The following BRAF variants were observed in gnomAD, a reference collection of about 807,000 sequenced individuals.
BRAF encodes serine/threonine-protein kinase B-raf.
BRAF carries 16 observed loss-of-function variants against 104.6 expected under a neutral mutation model. The observed-to-expected ratio is 0.15, with a 90% confidence interval of 0.10 to 0.23. The LOEUF (loss-of-function observed/expected upper bound fraction) is 0.23, where lower values mean the gene tolerates loss of function less well. BRAF is among the 10% of genes least tolerant of loss of function. The pLI, the probability that BRAF is intolerant of heterozygous loss-of-function variation, is 1.00. For missense variants in BRAF, 541 were observed against 937.3 expected (o/e 0.58, Z 5.52); for synonymous variants, 310 against 341.6 (o/e 0.91, Z 1.02).
intron 19 of BRAF, among the ~76,000 whole-genome samples, chr7:140,727,473 T>C (rs2130836912): frequency 6.6e-6 from 1 of 151,688 alleles, no homozygotes; most frequent in East Asian, 2.0e-4. Context: ...TGTGAGCCAC[T>C]GCACCCGGCC....
chr7:140,724,336 A>G lies in BRAF; in HGVS notation c.*2158T>C. The G allele has an allele frequency of 9.5e-7, 1 of 1,054,812 alleles. No individual in the cohort carries two copies. The highest frequency in any genetic ancestry group is 1.1e-6 in the Non-Finnish European group (1 of 872,668). 65.3% of individuals were successfully genotyped at this position (1,054,812 alleles called of 1,614,324 possible). A position where few individuals can be genotyped will look rare whatever the true frequency, so the allele number is the denominator to read the frequency against. ...GGAAACTTGAAGCCAATCTTGGTAA[A>G]GGGAACACAGCCACATTTAAAAGCA... On this transcript the variant is annotated 3_prime_UTR_variant, in exon 20 of 20. Transcript: ENST00000644969.
At chr7:140,904,930 T>G (rs558692570) in intron 1 of BRAF, among the ~76,000 whole-genome samples, 60 of 137,022 alleles carry the variant, frequency 4.4e-4, no homozygotes, top group Non-Finnish European at 7.7e-4. Flanking sequence ...GTATTAATAG[T>G]TGCTCAATTT....
Position 140,820,972 on chromosome 7 carries a change from T to A in BRAF, c.505-11977A>T, listed in dbSNP as rs1298521906. On this transcript the variant is annotated intron_variant, in intron 3 of 19. Coordinates refer to ENST00000644969, the MANE Select transcript of BRAF (RefSeq NM_001374258.1). ...AATCTCAAGGAACATATATGCTTATTCTTTTTAGTTATTGCACATACTCCA... is the reference window on the plus strand; with the variant it reads ...AATCTCAAGGAACATATATGCTTATACTTTTTAGTTATTGCACATACTCCA... Among the ~76,000 whole-genome samples the A allele has an allele frequency of 2.6e-5, 4 of 152,218 alleles. No homozygotes were observed. In the East Asian group the frequency reaches 7.7e-4, roughly 29 times the overall value.
chr7:140,874,180 A>G (rs544399760), intron 1 of BRAF, among the ~76,000 whole-genome samples: 1 of 151,680 alleles, frequency 6.6e-6, no homozygotes, highest in East Asian at 1.9e-4. Flanking sequence ...TCATGAAACC[A>G]TCAGTGAGTT....
In BRAF at chr7:140,722,659, A is replaced by G; in HGVS notation, c.*3835T>C. ...AAGAAGAGAATCTTGCAAAAAGAGT[A>G]ATCATTCTACCCTCTTAGCTGGGTG... On this transcript the variant is annotated 3_prime_UTR_variant, in exon 20 of 20. Coordinates refer to ENST00000644969, the MANE Select transcript of BRAF (RefSeq NM_001374258.1). 9.5e-7 allele frequency: 1 copy of G among 1,052,928 alleles called. No individual in the cohort carries two copies. The highest frequency in any genetic ancestry group is 4.6e-5 in the South Asian group (1 of 21,846). The allele number at this position is 1,052,928 out of a possible 1,614,324, so 65.2% of individuals were successfully genotyped here. A position where few individuals can be genotyped will look rare whatever the true frequency, so the allele number is the denominator to read the frequency against.
At chr7:140,787,347 T>A (rs972423977) in intron 9 of BRAF, among the ~76,000 whole-genome samples, 1 of 148,902 alleles carries the variant, frequency 6.7e-6, no homozygotes, top group African/African-American at 2.4e-5. Flanking sequence ...TGTCCAGTCA[T>A]CTTTTCTACT....
intron 17 of BRAF, among the ~76,000 whole-genome samples, chr7:140,748,556 A>G (rs568774835): frequency 6.6e-6 from 1 of 152,206 alleles, no homozygotes; most frequent in East Asian, 1.9e-4. Flanking sequence ...GTTTTCTAAT[A>G]TATTAACAGT....
intron 17 of BRAF, 110 bp downstream of exon 16, chr7:140,749,177 A>G: frequency 6.8e-7 from 1 of 1,471,696 alleles, no homozygotes; most frequent in Middle Eastern, 2.5e-4. Flanking sequence ...GGTAACAAAA[A>G]ATCAAGAAAT....
intron 1 of BRAF, among the ~76,000 whole-genome samples, chr7:140,914,034 GTGT>G (rs2129142161): frequency 6.6e-6 from 1 of 152,208 alleles, no homozygotes; most frequent in South Asian, 2.1e-4. Flanking sequence ...ACTGCCAAAA[GTGT>G]TAACTAGAGC....
intron 4 of BRAF, chr7:140,808,426 G>A (rs1803885637): frequency 7.7e-6 from 3 of 389,878 alleles, no homozygotes; most frequent in Admixed American, 7.7e-5. Flanking sequence ...AGTACTCAAG[G>A]GACAGGGACA....
At chr7:140,898,324 A>G (rs1279740165) in intron 1 of BRAF, among the ~76,000 whole-genome samples, 2 of 152,130 alleles carry the variant, frequency 1.3e-5, no homozygotes, top group Non-Finnish European at 2.9e-5. Context: ...TAAAAAAGAA[A>G]TAAAAATAAA....
rs1818628231 is a variant in BRAF at position 140,924,416 on chromosome 7, CG to C, written c.138+149del. 8.5e-6 allele frequency: 10 copies of C among 1,181,020 alleles called. No homozygotes were observed. Among genetic ancestry groups the C allele is most frequent in the Non-Finnish European group, 1.2e-5 (10 of 839,342 alleles). 73.2% of individuals were successfully genotyped at this position (1,181,020 alleles called of 1,614,324 possible). A position where few individuals can be genotyped will look rare whatever the true frequency, so the allele number is the denominator to read the frequency against. On this transcript the variant is annotated intron_variant, in intron 1 of 19. Coordinates refer to ENST00000644969, the MANE Select transcript of BRAF (RefSeq NM_001374258.1). The surrounding 1 kb of genome is among the most constrained non-coding windows in gnomAD (Gnocchi z 4.2). ...AGGCGCTGCATGACGGAGAGGGACA[CG>C]GGGGCGATGCCCACCTCCCAGCCCG...
At chr7:140,842,567 T>C (rs1808080412) in intron 2 of BRAF, among the ~76,000 whole-genome samples, 1 of 152,132 alleles carries the variant, frequency 6.6e-6, no homozygotes. Context: ...AATCTACTAC[T>C]AGAAAAGCAT....
At chr7:140,899,821 T>C (rs543755599) in intron 1 of BRAF, among the ~76,000 whole-genome samples, 2 of 152,310 alleles carry the variant, frequency 1.3e-5, no homozygotes, top group African/African-American at 4.8e-5. Context: ...GGTGGTGCCT[T>C]GTACAAACTC....
chr7:140,742,191 T>G (rs1165396452), intron 17 of BRAF, among the ~76,000 whole-genome samples: 1 of 151,736 alleles, frequency 6.6e-6, no homozygotes, highest in East Asian at 2.0e-4. Flanking sequence ...TGGGGTTTTT[T>G]TTGTTTTTGT....
chr7:140,897,377 A>G (rs1360072211), intron 1 of BRAF, among the ~76,000 whole-genome samples: 1 of 152,172 alleles, frequency 6.6e-6, no homozygotes, highest in African/African-American at 2.4e-5. Context: ...AGACATCTTC[A>G]TATAACAAAT....
chr7:140,899,369 T>C (rs1351985523), intron 1 of BRAF, among the ~76,000 whole-genome samples: 1 of 152,158 alleles, frequency 6.6e-6, no homozygotes, highest in Non-Finnish European at 1.5e-5. Context: ...GAACCATTAG[T>C]CTAGGGCAAA....
chr7:140,760,363 A>C (rs1291554858), intron 14 of BRAF, among the ~76,000 whole-genome samples: 2 of 150,528 alleles, frequency 1.3e-5, no homozygotes, highest in East Asian at 3.9e-4. Flanking sequence ...TAGTGAGCTG[A>C]GATCATGCCA....
chr7:140,769,340 G>T (rs531877054), intron 14 of BRAF, among the ~76,000 whole-genome samples: 1 of 151,596 alleles, frequency 6.6e-6, no homozygotes, highest in African/African-American at 2.4e-5. Flanking sequence ...GGCCTTCCAA[G>T]GTGCTGGAAT....
Sources: allele counts gnomAD v4.1 joint callset (sites outside exome capture counted in the v4.1 genomes callset), GRCh38; gene constraint gnomAD v4.1.1; non-coding constraint Gnocchi (gnomAD v3.1); transcripts MANE v1.5; gene names NCBI Gene and HGNC (gene_info 2026-07-23, HGNC 2026-07-21).